The following DSCAML1 variants were observed in gnomAD, a reference collection of about 807,000 sequenced individuals.
The protein encoded by DSCAML1 is DS cell adhesion molecule like 1.
A neutral mutation model predicts 200.5 loss-of-function variants in DSCAML1; 38 were observed. The ratio of observed to expected loss-of-function variants is 0.19; its 90% CI spans 0.15 to 0.25. The LOEUF (loss-of-function observed/expected upper bound fraction) is 0.25, where lower values mean the gene tolerates loss of function less well. Ranked by LOEUF, DSCAML1 falls within the 10% of genes least tolerant of loss-of-function variation. The pLI is 1.00. For synonymous variants in DSCAML1, 1,215 were observed against 1,165.0 expected (o/e 1.04, Z -0.87); for missense variants, 2,223 against 2,858.8 (o/e 0.78, Z 5.07).
Position 117,656,825 on chromosome 11 carries a change from A to G in DSCAML1, c.511+119966T>C, listed in dbSNP as rs906684354. 2.0e-5 allele frequency among the ~76,000 whole-genome samples: 3 copies of G among 152,342 alleles called. No homozygotes were observed. In the South Asian group the frequency reaches 6.2e-4, roughly 32 times the overall value. On this transcript the variant is annotated intron_variant, in intron 3 of 32. Transcript: ENST00000651296. ...GCCAGGGCCTGTGGAAGGTAGGGAC[A>G]CATACTTGGTAGCTGTAGCCCTCAA...
chr11:117,652,096 C>T (rs2052645302), intron 3 of DSCAML1, among the ~76,000 whole-genome samples: 1 of 152,244 alleles, frequency 6.6e-6, no homozygotes, highest in African/African-American at 2.4e-5. Flanking sequence ...GCAAGGCTGA[C>T]AGCAAACCCT....
intron 3 of DSCAML1, among the ~76,000 whole-genome samples, chr11:117,586,472 C>G (rs367855460): frequency 6.9e-4 from 105 of 152,348 alleles, no homozygotes; most frequent in African/African-American, 2.5e-3. Flanking sequence ...AGGTTTAGGA[C>G]AGCCTGTTCT....
chr11:117,787,583 G>A (rs751090716), intron 1 of DSCAML1, among the ~76,000 whole-genome samples: 7 of 152,196 alleles, frequency 4.6e-5, no homozygotes, highest in Admixed American at 4.6e-4. Flanking sequence ...TATACTGAGA[G>A]TAACAGTCCT....
At position 117,437,548 on chromosome 11, in the gene DSCAML1, G is replaced by T; in HGVS notation, c.4433-139C>A. On this transcript the variant is annotated intron_variant, in intron 25 of 32. Transcript: ENST00000651296. This position sits in a 1 kb window ranked among gnomAD's most constrained non-coding sequence, Gnocchi z 5.3. Reference sequence around the variant, plus strand: ...GAGAATACATGTTTGGCACAGATGGGGTGGGGAAGCCCCAGGGCGCAGAGG... The same window carrying T: ...GAGAATACATGTTTGGCACAGATGGTGTGGGGAAGCCCCAGGGCGCAGAGG... 2.7e-6 allele frequency: 3 copies of T among 1,092,552 alleles called. No homozygotes were observed. Among genetic ancestry groups the T allele is most frequent in the Non-Finnish European group, 2.6e-6 (2 of 763,320 alleles). 67.7% of individuals were successfully genotyped at this position (1,092,552 alleles called of 1,614,324 possible). A position where few individuals can be genotyped will look rare whatever the true frequency, so the allele number is the denominator to read the frequency against.
intron 3 of DSCAML1, among the ~76,000 whole-genome samples, chr11:117,548,192 TA>T (rs529656359): frequency 6.6e-6 from 1 of 152,374 alleles, no homozygotes; most frequent in Admixed American, 6.5e-5. Flanking sequence ...TTCCAGGCTC[TA>T]AGCCAGCCCT....
chr11:117,740,933 G>A (rs935814420), intron 3 of DSCAML1, among the ~76,000 whole-genome samples: 6 of 152,242 alleles, frequency 3.9e-5, no homozygotes, highest in Non-Finnish European at 7.3e-5. Context: ...GCAGCTCCCA[G>A]CCAGCCAGGC....
chr11:117,559,239 C>T (rs926361437), intron 3 of DSCAML1, among the ~76,000 whole-genome samples: 1 of 152,192 alleles, frequency 6.6e-6, no homozygotes, highest in Non-Finnish European at 1.5e-5. Flanking sequence ...ATGTACAGCT[C>T]AGGTAAGGGG....
At chr11:117,663,267 T>C (rs1021897447) in intron 3 of DSCAML1, among the ~76,000 whole-genome samples, 30 of 152,192 alleles carry the variant, frequency 2.0e-4, no homozygotes, top group African/African-American at 7.0e-4. Context: ...CTTGCTGTCA[T>C]GGCTCCACCT....
At chr11:117,429,075 T>C (rs530668103) in intron 32 of DSCAML1, among the ~76,000 whole-genome samples, 4 of 152,304 alleles carry the variant, frequency 2.6e-5, no homozygotes, top group African/African-American at 7.2e-5. Context: ...TTTGCTACAG[T>C]GGCTGGTGCA....
At chr11:117,699,435 G>T (rs1352146480) in intron 3 of DSCAML1, among the ~76,000 whole-genome samples, 1 of 152,210 alleles carries the variant, frequency 6.6e-6, no homozygotes, top group East Asian at 1.9e-4. Flanking sequence ...GAGCAGAGGG[G>T]TTGGTGTTGC....
intron 3 of DSCAML1, among the ~76,000 whole-genome samples, chr11:117,690,057 A>G (rs183964223): frequency 6.6e-6 from 1 of 152,366 alleles, no homozygotes; most frequent in African/African-American, 2.4e-5. Context: ...TAGGCACTCC[A>G]GAAATAGTTT....
At chr11:117,783,835 C>T (rs184271273) in intron 1 of DSCAML1, among the ~76,000 whole-genome samples, 2 of 152,234 alleles carry the variant, frequency 1.3e-5, no homozygotes, top group Non-Finnish European at 2.9e-5. Flanking sequence ...CCACCCCAAC[C>T]GCATTCCAAA....
chr11:117,506,824 G>A (rs779496494), intron 8 of DSCAML1, among the ~76,000 whole-genome samples: 8 of 152,186 alleles, frequency 5.3e-5, no homozygotes, highest in Admixed American at 3.9e-4. Context: ...TGGGTTGACA[G>A]GCAAGAGCCA....
At chr11:117,607,953 G>T (rs2137523898) in intron 3 of DSCAML1, among the ~76,000 whole-genome samples, 1 of 152,318 alleles carries the variant, frequency 6.6e-6, no homozygotes, top group South Asian at 2.1e-4. Context: ...ACTGGAAGAT[G>T]GTTTAAATTG....
chr11:117,814,182 T>C (rs11216558), intron 1 of DSCAML1, among the ~76,000 whole-genome samples: 19,304 of 151,768 alleles, frequency 0.13, 1,339 homozygotes, highest in African/African-American at 0.17. Flanking sequence ...TTTTCCATTA[T>C]CTTCCCAAAT....
intron 3 of DSCAML1, among the ~76,000 whole-genome samples, chr11:117,670,806 T>A (rs688790): frequency 0.046 from 7,018 of 152,226 alleles, 204 homozygotes; most frequent in East Asian, 0.068. Context: ...GGCAAAGGCA[T>A]GGGGAAGGCA....
At chr11:117,649,041 ATGTGTGTGTGTGTGTGTGTG>A (rs58257943) in intron 3 of DSCAML1, among the ~76,000 whole-genome samples, 10 of 137,930 alleles carry the variant, frequency 7.3e-5, no homozygotes, top group Middle Eastern at 3.6e-3. Context: ...CTCCATATAT[ATGTGTGTGTGTGTGTGTGTG>A]TGTGTGTGTG....
intron 3 of DSCAML1, among the ~76,000 whole-genome samples, chr11:117,533,646 C>G (rs2050119540): frequency 6.6e-6 from 1 of 152,176 alleles, no homozygotes; most frequent in Non-Finnish European, 1.5e-5. Context: ...AGCAGGAGAG[C>G]AGGAAGCACA....
In DSCAML1 at chr11:117,780,025, G is replaced by A. The variant is rs577862120; in HGVS notation, c.364+468C>T. On this transcript the variant is annotated intron_variant, in intron 2 of 32. Transcript: ENST00000651296. The surrounding 1 kb of genome is among the most constrained non-coding windows in gnomAD (Gnocchi z 4.8). ...AACCATCACACGTAGTGATACAGAGGTAGGTACTTGCATCCACTTTGCAGA... is the reference window on the plus strand; with the variant it reads ...AACCATCACACGTAGTGATACAGAGATAGGTACTTGCATCCACTTTGCAGA... 2.7e-3 allele frequency among the ~76,000 whole-genome samples: 404 copies of A among 151,852 alleles called. 8 individuals are homozygous for A. The highest frequency in any genetic ancestry group is 0.026 in the Admixed American group (400 of 15,226).
Sources: gnomAD v4.1 joint callset for allele counts (sites outside exome capture counted in the v4.1 genomes callset) on GRCh38, gnomAD v4.1.1 for gene constraint, Gnocchi (gnomAD v3.1) non-coding constraint, MANE v1.5 for transcripts, NCBI Gene and HGNC (gene_info 2026-07-23, HGNC 2026-07-21) for gene names.